Variants in E2F3 observed in about 807,000 individuals in gnomAD.
E2F3 encodes transcription factor E2F3.
E2F3 carries 11 observed loss-of-function variants against 44.4 expected under a neutral mutation model. The observed-to-expected ratio is 0.25, with a 90% CI of 0.16 to 0.41. E2F3 has a LOEUF of 0.41. Among genes scored for constraint, E2F3 ranks in the 10% least tolerant of loss-of-function variants. The pLI is 1.00. For missense variants in E2F3, 487 were observed against 583.6 expected, an observed-to-expected ratio of 0.83 and a Z score of 1.70; for synonymous variants, 249 against 253.0, an observed-to-expected ratio of 0.98 and a Z score of 0.15.
At position 20,401,895 on chromosome 6, in the gene E2F3, A is replaced by T. The variant is rs1319868530; in HGVS notation, c.-338A>T. ...TATCCCTTCATTCATTGTCAGCAGC[A>T]GCTTCCTGGAGCCATTTTTCAGCTG... On this transcript the variant is annotated 5_prime_UTR_variant, in exon 1 of 7. Coordinates refer to ENST00000346618, the MANE Select transcript of E2F3 (RefSeq NM_001949.5). 2 of 374,800 alleles carry T rather than the reference A, an allele frequency of 5.3e-6. No homozygotes were observed. Among genetic ancestry groups the T allele is most frequent in the African/African-American group, 4.2e-5 (2 of 47,606 alleles). 23.2% of individuals were successfully genotyped at this position (374,800 alleles called of 1,614,324 possible).
At chr6:20,449,499 C>T (rs1159586201) in intron 1 of E2F3, among the ~76,000 whole-genome samples, 1 of 152,100 alleles carries the variant, frequency 6.6e-6, no homozygotes, top group East Asian at 1.9e-4. Context: ...AGTGAATAAC[C>T]TTGTATATCA....
chr6:20,441,823 C>T (rs1760785666), intron 1 of E2F3, among the ~76,000 whole-genome samples: 1 of 151,150 alleles, frequency 6.6e-6, no homozygotes, highest in Non-Finnish European at 1.5e-5. Flanking sequence ...CCACCTTGGC[C>T]TCCCAACGTG....
At chr6:20,473,815 G>GCCC (rs1169786130) in intron 1 of E2F3, among the ~76,000 whole-genome samples, 26 of 152,282 alleles carry the variant, frequency 1.7e-4, no homozygotes, top group African/African-American at 6.3e-4. Context: ...AGGATTGACT[G>GCCC]ACCCTTCCTG....
intron 1 of E2F3, among the ~76,000 whole-genome samples, chr6:20,468,280 C>T (rs971470649): frequency 5.9e-5 from 9 of 152,238 alleles, no homozygotes; most frequent in African/African-American, 1.9e-4. Flanking sequence ...GTTGTTTTAC[C>T]TGTGCCTCTG....
At position 20,491,250 on chromosome 6, in the gene E2F3, T is replaced by A. The variant is rs1181951216; in HGVS notation, c.*820T>A. On this transcript the variant is annotated 3_prime_UTR_variant, in exon 7 of 7. Coordinates refer to ENST00000346618, the MANE Select transcript of E2F3 (RefSeq NM_001949.5). The stretch of plus-strand genomic sequence containing the variant: ...GATTGTTCTAGACTTTTAATTTTTT[T>A]AGCTGCCATTTAAGCATTCCTGTGG... The A allele has an allele frequency of 4.3e-6, 1 of 231,530 alleles. No individual in the cohort carries two copies. The highest frequency in any genetic ancestry group is 1.8e-4 in the South Asian group (1 of 5,508). The allele number at this position is 231,530 out of a possible 1,614,324, so 14.3% of individuals were successfully genotyped here. A position where few individuals can be genotyped will look rare whatever the true frequency, so the allele number is the denominator to read the frequency against.
At chr6:20,462,610 C>T (rs746064715) in intron 1 of E2F3, among the ~76,000 whole-genome samples, 13 of 151,874 alleles carry the variant, frequency 8.6e-5, no homozygotes, top group Non-Finnish European at 1.5e-4. Context: ...GGTGTCCGCC[C>T]TCTTACCTTG....
chr6:20,471,346 G>T (rs1436708818), intron 1 of E2F3, among the ~76,000 whole-genome samples: 1 of 152,192 alleles, frequency 6.6e-6, no homozygotes, highest in Non-Finnish European at 1.5e-5. Context: ...ACTTTGGGAG[G>T]CCGAAGCGGG....
chr6:20,403,692 CTCTCCTCT>C, intron 1 of E2F3: 2 of 614,326 alleles, frequency 3.3e-6, no homozygotes, highest in Non-Finnish European at 5.4e-6. Flanking sequence ...GCCACCCTCC[CTCTCCTCT>C]CCCCACCCCC....
At chr6:20,481,172 TCCCCCA>T (rs771676946) in intron 2 of E2F3, 28 bp from the exon 3 acceptor site, 1 of 1,603,402 alleles carries the variant, frequency 6.2e-7, no homozygotes, top group South Asian at 1.1e-5. Context: ...TTTCCCCCTA[TCCCCCA>T]CCCGCTCGGT....
intron 6 of E2F3, among the ~76,000 whole-genome samples, chr6:20,489,283 T>A (rs1360918128): frequency 6.6e-6 from 1 of 152,158 alleles, no homozygotes; most frequent in Non-Finnish European, 1.5e-5. Flanking sequence ...TTTTTAGAGA[T>A]CTTTTTAATA....
chr6:20,421,165 G>A (rs896451246), intron 1 of E2F3, among the ~76,000 whole-genome samples: 3 of 152,090 alleles, frequency 2.0e-5, no homozygotes, highest in African/African-American at 7.2e-5. Flanking sequence ...CCACCACATC[G>A]GCAGTTTCTC....
rs1417544512 is a variant in E2F3, at chr6:20,402,444, C to A, written c.212C>A (p.Ser71Tyr). The change falls in exon 1 of 7, where the codon TCC becomes TAC. Residue 71 changes from serine (S) to tyrosine (Y), a missense_variant. Ser to Tyr is a moderately radical substitution (Grantham distance 144, BLOSUM62 -2). Coordinates refer to ENST00000346618, the MANE Select transcript of E2F3 (RefSeq NM_001949.5). The surrounding 1 kb of genome is among the most constrained non-coding windows in gnomAD (Gnocchi z 5.6). ...LTTNTSTTSCSSSLQSGAVAA... is the reference protein window; with the variant it reads ...LTTNTSTTSCYSSLQSGAVAA... ...ACGAACACTTCCACCACCTCCTGTT[C>A]CTCCTCCCTCCAAAGCGGCGCCGTA... is the stretch of plus-strand genomic sequence containing the variant. 5.6e-6 allele frequency: 9 copies of A among 1,610,754 alleles called. No individual in the cohort carries two copies. The highest frequency in any genetic ancestry group is 7.6e-6 in the Non-Finnish European group (9 of 1,179,466).
chr6:20,456,334 G>C (rs942335649), intron 1 of E2F3, among the ~76,000 whole-genome samples: 1 of 151,298 alleles, frequency 6.6e-6, no homozygotes, highest in African/African-American at 2.4e-5. Flanking sequence ...AAAAAATTAG[G>C]TTCTATTTTG....
Position 20,480,902 on chromosome 6 carries a change from G to A in E2F3, c.506-304G>A, listed in dbSNP as rs762555642. Among the ~76,000 whole-genome samples the A allele has an allele frequency of 5.3e-5, 8 of 152,056 alleles. No individual in the cohort carries two copies. The East Asian group carries it at 7.7e-4, about 15-fold the overall frequency. ...ATTCATTTGACAGATATTTTTTAGC[G>A]CCCGCTATATGTAAATTCTTCATTG... On this transcript the variant is annotated intron_variant, in intron 2 of 6. Transcript: ENST00000346618.
intron 1 of E2F3, among the ~76,000 whole-genome samples, chr6:20,420,027 G>A (rs1468991110): frequency 6.6e-5 from 10 of 152,044 alleles, no homozygotes; most frequent in Admixed American, 2.0e-4. Flanking sequence ...CATCACACCC[G>A]GCTACTTTTT....
In E2F3 at chr6:20,402,652, C is replaced by A; in HGVS notation, c.393+27C>A. On this transcript the variant is annotated intron_variant, in intron 1 of 6. Coordinates refer to ENST00000346618, the MANE Select transcript of E2F3 (RefSeq NM_001949.5). The surrounding 1 kb of genome is among the most constrained non-coding windows in gnomAD (Gnocchi z 5.6). ...TAATACCCTCCCTCCCCACCGTCCC[C>A]AGCCCCGGCGGGAGGTGGGCTCGCA... 7.6e-7 allele frequency: 1 copy of A among 1,312,584 alleles called. No homozygotes were observed. The highest frequency in any genetic ancestry group is 9.6e-7 in the Non-Finnish European group (1 of 1,036,846). The allele number at this position is 1,312,584 out of a possible 1,614,324, so 81.3% of individuals were successfully genotyped here. A position where few individuals can be genotyped will look rare whatever the true frequency, so the allele number is the denominator to read the frequency against.
intron 1 of E2F3, among the ~76,000 whole-genome samples, chr6:20,436,523 C>T (rs1760590557): frequency 6.6e-6 from 1 of 151,800 alleles, no homozygotes; most frequent in Non-Finnish European, 1.5e-5. Flanking sequence ...TAAGAAACTT[C>T]GTGAATTTCT....
intron 1 of E2F3, chr6:20,440,244 C>T (rs1760728822): frequency 1.3e-5 from 2 of 152,204 alleles, no homozygotes; most frequent in South Asian, 4.1e-4. Flanking sequence ...TATTTTGCCA[C>T]AGGTACATGA....
At chr6:20,483,674 AAGAG>A (rs1004989683) in intron 4 of E2F3, among the ~76,000 whole-genome samples, 41 of 152,246 alleles carry the variant, frequency 2.7e-4, no homozygotes, top group African/African-American at 9.2e-4. Flanking sequence ...CAGACAAAGT[AAGAG>A]AGAGATTGCC....
Sources: allele counts gnomAD v4.1 joint callset (sites outside exome capture counted in the v4.1 genomes callset), GRCh38; gene constraint gnomAD v4.1.1; non-coding constraint Gnocchi (gnomAD v3.1); transcripts MANE v1.5; gene names NCBI Gene and HGNC (gene_info 2026-07-23, HGNC 2026-07-21).